TRIM37: variants seen among roughly 807,000 people sequenced by gnomAD.
TRIM37 encodes tripartite motif containing 37, also known as E3 ubiquitin-protein ligase TRIM37.
A neutral mutation model predicts 129.8 loss-of-function variants in TRIM37; 80 were observed. That is an observed-to-expected ratio of 0.62 (90% CI 0.51 to 0.74). The LOEUF (loss-of-function observed/expected upper bound fraction) is 0.74. Ranked by LOEUF, TRIM37 falls within the 30% of genes least tolerant of loss-of-function variation. The pLI is 0.00. For synonymous variants in TRIM37, 389 were observed against 387.1 expected (o/e 1.00, Z -0.06); for missense variants, 1,054 against 1,176.5 (o/e 0.90, Z 1.52).
In TRIM37 at chr17:59,081,207, T is replaced by C. The variant is rs1356289351; in HGVS notation, c.382A>G (p.Thr128Ala). ...TAAATTTCTGCCAAAGGTTTAAAGGTATGTCCGCCATGCTATTTAAATTAG... is the reference window on the plus strand; with the variant it reads ...TAAATTTCTGCCAAAGGTTTAAAGGCATGTCCGCCATGCTATTTAAATTAG... ...ALWGGMHGGH[T>A]FKPLAEIYEQ... The change falls in exon 6 of 24, where the codon ACC becomes GCC. Residue 128 changes from threonine (T) to alanine (A), a missense_variant. This residue lies in a region of TRIM37 where 752 missense variants were observed against 870.8 expected (regional missense o/e 0.86). Coordinates refer to ENST00000262294, the MANE Select transcript of TRIM37 (RefSeq NM_015294.6). The C allele has an allele frequency of 6.2e-7, 1 of 1,613,716 alleles. No homozygotes were observed.
At chr17:58,974,073 A>T in the TRIM37 span, among the ~76,000 whole-genome samples, 1 of 151,582 alleles carries the variant, frequency 6.6e-6, no homozygotes, top group South Asian at 2.1e-4. Flanking sequence ...GGCTGCAGTG[A>T]GCCAAGATTG....
Position 59,031,995 on chromosome 17 carries a change from ATGGAT to A in TRIM37, c.1844_1848del (p.Asp615ValfsTer10). 2.5e-6 allele frequency: 4 copies of A among 1,614,220 alleles called. No homozygotes were observed. The highest frequency in any genetic ancestry group is 3.4e-6 in the Non-Finnish European group (4 of 1,180,028). ...AGGTCCAACAAATGTATTAAAATTA[ATGGAT>A]CAATGTCTAGTAAACTACTGGTAGC... On this transcript the variant is annotated frameshift_variant, in exon 18 of 24. Coordinates refer to ENST00000262294, the MANE Select transcript of TRIM37 (RefSeq NM_015294.6). LOFTEE classifies it high-confidence loss of function.
intron 11 of TRIM37, 73 bp downstream of exon 11, chr17:59,062,494 C>A: frequency 8.2e-7 from 1 of 1,225,676 alleles, no homozygotes; most frequent in South Asian, 1.3e-5. Flanking sequence ...TCTCAGTAAT[C>A]AAATTAGTAT....
At position 58,998,878 on chromosome 17, in the gene TRIM37, T is replaced by TACA. The variant is rs374423382; in HGVS notation, c.*496_*498dup. 1.7e-4 allele frequency: 174 copies of TACA among 1,010,554 alleles called. No individual in the cohort carries two copies. In the African/African-American group the frequency reaches 2.8e-3, roughly 16 times the overall value. The allele number at this position is 1,010,554 out of a possible 1,614,324, so 62.6% of individuals were successfully genotyped here. ...TTACTTCAGTTATTCACATAGTGTC[T>TACA]ACAGGGCAGAATCTCTTCCAAAGCA... On this transcript the variant is annotated 3_prime_UTR_variant, in exon 24 of 24. Coordinates refer to ENST00000262294, the MANE Select transcript of TRIM37 (RefSeq NM_015294.6).
chr17:59,013,880 A>G (rs1047801191), intron 21 of TRIM37, among the ~76,000 whole-genome samples: 1 of 152,076 alleles, frequency 6.6e-6, no homozygotes, highest in African/African-American at 2.4e-5. Flanking sequence ...AGGCAGGAAA[A>G]AAAAAGACAT....
At chr17:58,978,476 C>T (rs1222630832), downstream of TRIM37, among the ~76,000 whole-genome samples, 2 of 151,980 alleles carry the variant, frequency 1.3e-5, no homozygotes, top group African/African-American at 4.8e-5. Context: ...TTTGGGAGGC[C>T]GACACAGGCA....
chr17:59,013,587 CA>C (rs1222241461), intron 21 of TRIM37, among the ~76,000 whole-genome samples: 6 of 152,070 alleles, frequency 3.9e-5, no homozygotes, highest in Non-Finnish European at 8.8e-5. Context: ...TATGTGTGGG[CA>C]GGGGGTTGGA....
At position 59,007,186 on chromosome 17, in the gene TRIM37, CA is replaced by C. The variant is rs1176812536; in HGVS notation, c.2695+5141del. 1.7e-3 allele frequency among the ~76,000 whole-genome samples: 120 copies of C among 72,440 alleles called. 1 individual carries two copies. Among genetic ancestry groups the C allele is most frequent in the South Asian group, 2.4e-3 (4 of 1,642 alleles). The allele number at this position is 72,440 out of a possible 152,430, so 47.5% of individuals were successfully genotyped here. ...ACACACACACACACACACACACACA[CA>C]CACACACACACACACACACTAAAAC... On this transcript the variant is annotated intron_variant, in intron 22 of 23. Transcript: ENST00000262294.
chr17:58,999,448 T>G lies in TRIM37; in HGVS notation c.2824A>C (p.Ser942Arg), dbSNP rs149684009. The change falls in exon 24 of 24, where the codon AGT (serine) becomes CGT (arginine). Residue 942 changes from serine (S) to arginine (R), a missense_variant. Coordinates refer to ENST00000262294, the MANE Select transcript of TRIM37 (RefSeq NM_015294.6). ...CCTATTTGTTCACCATCAGGAAAAC[T>G]GGAATGTGTATCTATGATTAAAAAA... ...TQPPDEDTHSSFPDGEQIGPE... is the reference protein window; with the variant it reads ...TQPPDEDTHSRFPDGEQIGPE... 3.0e-5 allele frequency: 49 copies of G among 1,612,818 alleles called. No individual in the cohort carries two copies. The African/African-American group carries it at 6.3e-4, about 21-fold the overall frequency.
chr17:59,106,083 C>G (rs561129388), intron 1 of TRIM37, among the ~76,000 whole-genome samples: 135 of 152,310 alleles, frequency 8.9e-4, no homozygotes, highest in South Asian at 1.4e-3. Flanking sequence ...AGATTTAGAT[C>G]AGCTCAAGAA....
chr17:59,088,231 T>A (rs762076643), intron 4 of TRIM37, 60 bp downstream of exon 4: 3 of 1,036,918 alleles, frequency 2.9e-6, no homozygotes, highest in Admixed American at 1.7e-5. Flanking sequence ...CAATATAGTG[T>A]CATTAAACAA....
At chr17:59,070,373 C>T (rs1006703216) in intron 9 of TRIM37, among the ~76,000 whole-genome samples, 1 of 152,068 alleles carries the variant, frequency 6.6e-6, no homozygotes, top group Non-Finnish European at 1.5e-5. Flanking sequence ...TAGTTCAATT[C>T]AAAAGGTACA....
chr17:59,042,035 G>T, intron 16 of TRIM37, 137 bp from the exon 17 acceptor site: 1 of 688,340 alleles, frequency 1.5e-6, no homozygotes, highest in Non-Finnish European at 2.5e-6. Flanking sequence ...AAAGATTTTT[G>T]TCATTTTCCA....
downstream of TRIM37, among the ~76,000 whole-genome samples, chr17:58,995,863 C>T (rs1418254704): frequency 6.6e-6 from 1 of 151,832 alleles, no homozygotes; most frequent in Non-Finnish European, 1.5e-5. Context: ...AAAAATTATC[C>T]CAGTGTGACT....
chr17:59,106,297 T>C, intron 1 of TRIM37, 144 bp downstream of exon 1: 2 of 945,886 alleles, frequency 2.1e-6, no homozygotes, highest in South Asian at 1.4e-5. Flanking sequence ...CACGGCATCC[T>C]TGGTACCGGG....
intron 17 of TRIM37, among the ~76,000 whole-genome samples, chr17:59,039,253 T>C (rs1261290257): frequency 6.6e-6 from 1 of 152,176 alleles, no homozygotes; most frequent in Non-Finnish European, 1.5e-5. Context: ...GGCCAACTTA[T>C]TCAGCATCAA....
chr17:59,070,244 A>G (rs527710107), intron 9 of TRIM37, among the ~76,000 whole-genome samples: 2 of 152,246 alleles, frequency 1.3e-5, no homozygotes, highest in African/African-American at 2.4e-5. Context: ...GATGAAAACT[A>G]GGATACTTTT....
At chr17:59,058,880 T>C (rs1185877096) in intron 12 of TRIM37, among the ~76,000 whole-genome samples, 1 of 152,112 alleles carries the variant, frequency 6.6e-6, no homozygotes, top group Admixed American at 6.6e-5. Flanking sequence ...AAAAGAAGTA[T>C]ACATTGGGAA....
chr17:59,041,663 ACT>A, intron 17 of TRIM37, 148 bp downstream of exon 17: 2 of 628,402 alleles, frequency 3.2e-6, no homozygotes, highest in East Asian at 5.8e-5. Flanking sequence ...TTAGTAATAA[ACT>A]CTAAAAAATC....
Sources: allele counts gnomAD v4.1 joint callset (sites outside exome capture counted in the v4.1 genomes callset), GRCh38; gene constraint gnomAD v4.1.1; regional missense constraint gnomAD v4.1.1; transcripts MANE v1.5; gene names NCBI Gene and HGNC (gene_info 2026-07-23, HGNC 2026-07-21).